Variants in MFN1 observed in about 807,000 individuals in gnomAD.
MFN1 encodes mitofusin 1, also known as mitofusin-1.
MFN1 carries 65 observed loss-of-function variants against 92.4 expected under a neutral mutation model. That is an observed-to-expected ratio of 0.70 (90% CI 0.58 to 0.86). The LOEUF (loss-of-function observed/expected upper bound fraction) is 0.86. Among genes scored for constraint, MFN1 ranks in the 40% least tolerant of loss-of-function variants. MFN1 has a pLI of 0.00. For missense variants in MFN1, 781 were observed against 868.0 expected (o/e 0.90, Z 1.26); for synonymous variants, 297 against 300.9 (o/e 0.99, Z 0.13).
intron 14 of MFN1, among the ~76,000 whole-genome samples, chr3:179,382,513 G>C (rs1480987968): frequency 6.6e-6 from 1 of 152,116 alleles, no homozygotes; most frequent in Non-Finnish European, 1.5e-5. Context: ...GCTATTATGA[G>C]TAGTGCTGCA....
chr3:179,385,582 T>C lies in MFN1; in HGVS notation c.1676T>C (p.Leu559Ser), dbSNP rs1184039628. The C allele has an allele frequency of 6.2e-7, 1 of 1,604,322 alleles. No individual in the cohort carries two copies. Among genetic ancestry groups the C allele is most frequent in the African/African-American group, 1.4e-5 (1 of 73,990 alleles). The change falls in exon 15 of 18, where the codon TTA becomes TCA. Residue 559 changes from leucine to serine, a missense_variant. Coordinates refer to ENST00000471841, the MANE Select transcript of MFN1 (RefSeq NM_033540.3). ...TTTTTTTGGCAGCTCCCTAGATCTT[T>C]AGCTTCTACTCCCACTGCTCCTACC... is the stretch of plus-strand genomic sequence containing the variant. ...SEPIFQLPRS[L>S]ASTPTAPTTP...
chr3:179,371,027 T>C (rs6780301), intron 9 of MFN1, among the ~76,000 whole-genome samples: 19,364 of 152,248 alleles, frequency 0.13, 4,080 homozygotes, highest in African/African-American at 0.44. Context: ...GCTTACTTTT[T>C]TTTGTAGTCG....
intron 3 of MFN1, among the ~76,000 whole-genome samples, chr3:179,358,029 G>A (rs1164011604): frequency 6.6e-6 from 1 of 152,098 alleles, no homozygotes; most frequent in African/African-American, 2.4e-5. Context: ...CAGCAGACTC[G>A]GGGTAAGTGG....
rs1417491000 is a variant in MFN1, at chr3:179,367,815, TG to T, written c.908-215del. Among the ~76,000 whole-genome samples, 9 of 151,516 alleles carry T rather than the reference TG, an allele frequency of 5.9e-5. 1 individual carries two copies. Among genetic ancestry groups the T allele is most frequent in the African/African-American group, 2.2e-4 (9 of 41,278 alleles). ...GTGCACACCTGTAATCCCAGCTTCT[TG>T]GGGGGCTGAGGCCAGAAAATTGCTT... On this transcript the variant is annotated intron_variant, in intron 8 of 17. Coordinates refer to ENST00000471841, the MANE Select transcript of MFN1 (RefSeq NM_033540.3).
intron 3 of MFN1, among the ~76,000 whole-genome samples, chr3:179,357,053 ATAAGGC>A (rs1461163084): frequency 6.6e-6 from 1 of 152,108 alleles, no homozygotes; most frequent in African/African-American, 2.4e-5. Flanking sequence ...CAGGGAGATA[ATAAGGC>A]TAGGCTGTAT....
chr3:179,386,392 TG>T, intron 15 of MFN1, 40 bp from the exon 16 acceptor site: 1 of 1,515,562 alleles, frequency 6.6e-7, no homozygotes, highest in Non-Finnish European at 9.1e-7. Flanking sequence ...TCCAAAGTGG[TG>T]TTTTTCCTTC....
chr3:179,366,562 C>G (rs1712803206), intron 7 of MFN1, among the ~76,000 whole-genome samples: 1 of 152,138 alleles, frequency 6.6e-6, no homozygotes, highest in African/African-American at 2.4e-5. Context: ...ACTATCCCAT[C>G]ACTGTTCACA....
At chr3:179,387,046 G>T (rs540847760) in intron 16 of MFN1, among the ~76,000 whole-genome samples, 196 of 152,066 alleles carry the variant, frequency 1.3e-3, no homozygotes, top group African/African-American at 4.4e-3. Flanking sequence ...CTCCCACGTA[G>T]CTGGGACCAC....
At chr3:179,366,216 C>G (rs941894069) in intron 7 of MFN1, among the ~76,000 whole-genome samples, 2 of 152,162 alleles carry the variant, frequency 1.3e-5, no homozygotes, top group African/African-American at 4.8e-5. Flanking sequence ...GTCAGTAATG[C>G]AGACGTCAGT....
At chr3:179,359,419 CTTT>C (rs769518082) in intron 4 of MFN1, among the ~76,000 whole-genome samples, 1 of 124,788 alleles carries the variant, frequency 8.0e-6, no homozygotes. Context: ...TGCACCCGGC[CTTT>C]TTTTTTTTTT....
intron 9 of MFN1, among the ~76,000 whole-genome samples, chr3:179,373,372 G>A (rs1490514294): frequency 6.6e-6 from 1 of 152,132 alleles, no homozygotes; most frequent in Admixed American, 6.5e-5. Context: ...TAGCACTAGA[G>A]TATTAAGTAA....
rs562729536 is a variant in MFN1 at position 179,365,225 on chromosome 3, C to T, written c.753C>T (p.Asp251=). The T allele has an allele frequency of 4.0e-5, 60 of 1,501,800 alleles. No homozygotes were observed. Among genetic ancestry groups the T allele is most frequent in the Middle Eastern group, 1.8e-4 (1 of 5,620 alleles). The allele number at this position is 1,501,800 out of a possible 1,614,324, so 93.0% of individuals were successfully genotyped here. The change falls in exon 7 of 18, where the codon GAC becomes GAT. Residue 251 remains aspartate, a splice_region_variant and synonymous_variant. Coordinates refer to ENST00000471841, the MANE Select transcript of MFN1 (RefSeq NM_033540.3). The part of the protein sequence containing the change: ...ASASEPEYME[D]VRRQHMERCL... ...CATCAGAGCCAGAATATATGGAAGACGTAAGTTGTTATTTTTTTTTTTGTA... is the reference window on the plus strand; with the variant it reads ...CATCAGAGCCAGAATATATGGAAGATGTAAGTTGTTATTTTTTTTTTTGTA...
chr3:179,360,857 C>T (rs960356566), intron 4 of MFN1, among the ~76,000 whole-genome samples: 2 of 152,146 alleles, frequency 1.3e-5, no homozygotes, highest in Non-Finnish European at 2.9e-5. Context: ...TATGAAAATA[C>T]TATTCAAGGC....
chr3:179,358,622 C>T (rs1262149379), intron 3 of MFN1, among the ~76,000 whole-genome samples: 4 of 152,164 alleles, frequency 2.6e-5, no homozygotes, highest in East Asian at 1.9e-4. Flanking sequence ...GAGGATACTA[C>T]TGTGAGAAAG....
chr3:179,349,478 G>A (rs1474395187), intron 2 of MFN1, among the ~76,000 whole-genome samples: 1 of 151,958 alleles, frequency 6.6e-6, no homozygotes, highest in African/African-American at 2.4e-5. Context: ...TGTTAAAGGT[G>A]ATGAGGAATG....
intron 4 of MFN1, among the ~76,000 whole-genome samples, chr3:179,360,496 A>G (rs1712532233): frequency 6.6e-6 from 1 of 152,076 alleles, no homozygotes; most frequent in Non-Finnish European, 1.5e-5. Flanking sequence ...ATGAGGGCCA[A>G]TGGCAATTCC....
intron 4 of MFN1, 93 bp downstream of exon 4, chr3:179,359,095 G>C: frequency 7.7e-7 from 1 of 1,296,124 alleles, no homozygotes; most frequent in Admixed American, 2.8e-5. Context: ...CTGCATCGCT[G>C]ACATCTTATA....
chr3:179,383,038 A>G (rs889997500), intron 14 of MFN1, among the ~76,000 whole-genome samples: 1 of 152,062 alleles, frequency 6.6e-6, no homozygotes, highest in African/African-American at 2.4e-5. Context: ...CTCTGATGGT[A>G]GTTTCTTTTG....
At chr3:179,381,213 T>A (rs1171963915) in intron 14 of MFN1, among the ~76,000 whole-genome samples, 18 of 152,054 alleles carry the variant, frequency 1.2e-4, no homozygotes, top group Non-Finnish European at 1.5e-4. Flanking sequence ...AAGAAATAGG[T>A]TTATAAAATC....
Sources: allele counts gnomAD v4.1 joint callset (sites outside exome capture counted in the v4.1 genomes callset), GRCh38; gene constraint gnomAD v4.1.1; transcripts MANE v1.5; gene names NCBI Gene and HGNC (gene_info 2026-07-23, HGNC 2026-07-21).